Variants in DBF4 observed in about 807,000 individuals in gnomAD.
DBF4 encodes DBF4-CDC7 kinase regulatory subunit.
In DBF4, 25 loss-of-function variants were observed where a neutral mutation model predicts 76.6. That is an observed-to-expected ratio of 0.33 (90% CI 0.24 to 0.46). The LOEUF is 0.46. Ranked by LOEUF, DBF4 falls within the 20% of genes least tolerant of loss-of-function variation. The probability of loss-of-function intolerance (pLI) is 1.00; values close to 1 mark genes in which losing one functional copy is unlikely to be tolerated. For missense variants in DBF4, 638 were observed against 760.8 expected (o/e 0.84, Z 1.90); for synonymous variants, 213 against 258.0 (o/e 0.83, Z 1.67).
At chr7:87,889,773 G>A (rs544676506) in intron 6 of DBF4, among the ~76,000 whole-genome samples, 44 of 152,278 alleles carry the variant, frequency 2.9e-4, no homozygotes, top group Non-Finnish European at 4.6e-4. Context: ...TGGAAAACTG[G>A]TCAGAAGTTT....
intron 2 of DBF4, 42 bp downstream of exon 2, chr7:87,878,267 A>G (rs1839120421): frequency 1.4e-6 from 2 of 1,479,270 alleles, no homozygotes; most frequent in Non-Finnish European, 1.8e-6. Flanking sequence ...AAAAATTTGT[A>G]ACTAGTACTT....
rs1267155895 is a variant in DBF4 at position 87,907,538 on chromosome 7, A to G, written c.1400A>G (p.His467Arg). The change falls in exon 12 of 12, where the codon CAC becomes CGC. Residue 467 changes from histidine (H) to arginine (R), a missense_variant. Transcript: ENST00000265728. ...KQECILDISE[H>R]TLSENDLEEL... ...GAATGCATTCTTGACATTTCCGAAC[A>G]CACATTAAGTGAAAATGACTTAGAA... is the stretch of plus-strand genomic sequence containing the variant. 5 of 1,613,988 alleles carry G rather than the reference A, an allele frequency of 3.1e-6. No homozygotes were observed. Among genetic ancestry groups the G allele is most frequent in the Non-Finnish European group, 4.2e-6 (5 of 1,179,972 alleles).
chr7:87,900,749 T>C lies in DBF4; in HGVS notation c.810-15T>C. ...GTTCAGCAGTTAATTCTTTACCATG[T>C]ATGTCTGTCATCAGAATCCAAACAG... On this transcript the variant is annotated splice_polypyrimidine_tract_variant and intron_variant, in intron 9 of 11. Coordinates refer to ENST00000265728, the MANE Select transcript of DBF4 (RefSeq NM_006716.4). The C allele has an allele frequency of 6.3e-7, 1 of 1,599,512 alleles. No individual in the cohort carries two copies. Among genetic ancestry groups the C allele is most frequent in the Non-Finnish European group, 8.6e-7 (1 of 1,169,536 alleles).
intron 6 of DBF4, chr7:87,896,033 C>T (rs1040200929): frequency 6.4e-6 from 1 of 155,108 alleles, no homozygotes; most frequent in African/African-American, 2.4e-5. Context: ...TTTCATTCTT[C>T]AGGTAGTTGC....
At chr7:87,897,926 C>T (rs1023963426) in intron 8 of DBF4, among the ~76,000 whole-genome samples, 13 of 152,052 alleles carry the variant, frequency 8.5e-5, no homozygotes, top group Non-Finnish European at 1.0e-4. Context: ...TATGGGTCTA[C>T]GCCACCATGC....
chr7:87,885,073 T>C lies in DBF4; in HGVS notation c.314T>C (p.Val105Ala). 1 of 1,613,970 alleles carries C rather than the reference T, an allele frequency of 6.2e-7. No homozygotes were observed. The highest frequency in any genetic ancestry group is 1.6e-4 in the Middle Eastern group (1 of 6,062). Reference sequence around the variant, plus strand: ...CAAACCTTGGGTCGAATTTCTCCTGTACCAAGTCCAGAATCTGCATATACT... The same window carrying C: ...CAAACCTTGGGTCGAATTTCTCCTGCACCAAGTCCAGAATCTGCATATACT... ...FAQTLGRISP[V>A]PSPESAYTAE... is the part of the protein sequence containing the mutation. Residue 105 changes from valine (V) to alanine (A), a missense_variant, in exon 3 of 12, where the codon GTA becomes GCA. By Grantham distance (64) the Val-to-Ala change is moderately conservative. Coordinates refer to ENST00000265728, the MANE Select transcript of DBF4 (RefSeq NM_006716.4).
At chr7:87,903,446 T>A (rs915993388) in intron 10 of DBF4, among the ~76,000 whole-genome samples, 2 of 152,224 alleles carry the variant, frequency 1.3e-5, no homozygotes, top group African/African-American at 4.8e-5. Context: ...GTAATTGAGA[T>A]CATTTGTTTT....
intron 8 of DBF4, 132 bp downstream of exon 8, chr7:87,897,471 C>A: frequency 2.8e-6 from 2 of 710,802 alleles, no homozygotes; most frequent in Non-Finnish European, 2.2e-6. Flanking sequence ...AATGTGCATG[C>A]GGCACAAGTT....
In DBF4 at chr7:87,896,204, T is replaced by C. The variant is rs1839634554; in HGVS notation, c.598-270T>C. ...TTGCTGAATAAGGGCATAAAAATAA[T>C]ATGACTTTTAAAAAAACATTTCATT... On this transcript the variant is annotated intron_variant, in intron 6 of 11. Transcript: ENST00000265728. The C allele has an allele frequency of 9.1e-6, 3 of 331,286 alleles. No homozygotes were observed. The South Asian group carries it at 1.2e-4, about 14-fold the overall frequency. 20.5% of individuals were successfully genotyped at this position (331,286 alleles called of 1,614,324 possible).
At chr7:87,877,274 T>G (rs1388993084) in intron 1 of DBF4, among the ~76,000 whole-genome samples, 1 of 152,234 alleles carries the variant, frequency 6.6e-6, no homozygotes, top group African/African-American at 2.4e-5. Context: ...AGCATTGTAT[T>G]TCAAACACCC....
chr7:87,881,646 A>G (rs780342556), intron 2 of DBF4, among the ~76,000 whole-genome samples: 4 of 152,160 alleles, frequency 2.6e-5, no homozygotes, highest in Non-Finnish European at 5.9e-5. Context: ...TTATTCCACC[A>G]CTGTCTCCAG....
At position 87,887,971 on chromosome 7, in the gene DBF4, C is replaced by A; in HGVS notation, c.521-12C>A. On this transcript the variant is annotated splice_polypyrimidine_tract_variant and intron_variant, in intron 5 of 11. Coordinates refer to ENST00000265728, the MANE Select transcript of DBF4 (RefSeq NM_006716.4). ...AATTGCTAATCTTAAAACCTTCTTT[C>A]TTTTAATAAAGACATTAGATACTAC... 1 of 1,530,410 alleles carries A rather than the reference C, an allele frequency of 6.5e-7. No homozygotes were observed. The highest frequency in any genetic ancestry group is 8.8e-7 in the Non-Finnish European group (1 of 1,139,548). The allele number at this position is 1,530,410 out of a possible 1,614,324, so 94.8% of individuals were successfully genotyped here.
chr7:87,890,649 G>A (rs1327200686), intron 6 of DBF4, among the ~76,000 whole-genome samples: 1 of 152,128 alleles, frequency 6.6e-6, no homozygotes, highest in Non-Finnish European at 1.5e-5. Context: ...GGGAAGATTT[G>A]AAAGATACTT....
intron 6 of DBF4, 23 bp from the exon 7 acceptor site, chr7:87,896,451 T>C (rs199823099): frequency 8.7e-6 from 14 of 1,605,900 alleles, no homozygotes; most frequent in African/African-American, 2.7e-5. Flanking sequence ...AAGCCAATCT[T>C]TTCACTATAT....
chr7:87,876,800 T>G (rs763501718), intron 1 of DBF4, 22 bp downstream of exon 1: 3 of 1,613,430 alleles, frequency 1.9e-6, no homozygotes, highest in Non-Finnish European at 2.5e-6. Context: ...CTCCTCCGCC[T>G]GCAGTCCCTT....
At chr7:87,906,222 A>T (rs1157261215) in intron 11 of DBF4, among the ~76,000 whole-genome samples, 4 of 151,972 alleles carry the variant, frequency 2.6e-5, no homozygotes, top group Admixed American at 2.6e-4. Flanking sequence ...CTAAAAACTC[A>T]GTCTGCAGCA....
At chr7:87,891,346 G>T (rs1839484719) in intron 6 of DBF4, among the ~76,000 whole-genome samples, 2 of 152,066 alleles carry the variant, frequency 1.3e-5, no homozygotes, top group African/African-American at 2.4e-5. Flanking sequence ...TTCCAGAGAA[G>T]TTTTTATAGA....
chr7:87,886,165 G>A (rs1839344117), intron 3 of DBF4, among the ~76,000 whole-genome samples: 1 of 152,028 alleles, frequency 6.6e-6, no homozygotes, highest in African/African-American at 2.4e-5. Flanking sequence ...GGAGCAAGGA[G>A]ACAATACACC....
intron 8 of DBF4, among the ~76,000 whole-genome samples, chr7:87,900,009 T>G (rs531920161): frequency 6.6e-6 from 1 of 152,148 alleles, no homozygotes; most frequent in Non-Finnish European, 1.5e-5. Flanking sequence ...TTAAAATGGT[T>G]AAGGTAATAA....
Sources: gnomAD v4.1 joint callset for allele counts (sites outside exome capture counted in the v4.1 genomes callset) on GRCh38, gnomAD v4.1.1 for gene constraint, MANE v1.5 for transcripts, NCBI Gene and HGNC (gene_info 2026-07-23, HGNC 2026-07-21) for gene names.